The following FHIT variants were observed in gnomAD, a reference collection of about 807,000 sequenced individuals.
FHIT encodes bis(5'-adenosyl)-triphosphatase.
A neutral mutation model predicts 17.9 loss-of-function variants in FHIT; 19 were observed. The ratio of observed to expected loss-of-function variants is 1.06; its 90% confidence interval spans 0.74 to 1.56. The LOEUF (loss-of-function observed/expected upper bound fraction) is 1.56. Among genes scored for constraint, FHIT ranks in the 40% most tolerant of loss-of-function variants. The pLI, the probability that FHIT is intolerant of heterozygous loss-of-function variation, is 0.00. For missense variants in FHIT, 248 were observed against 189.2 expected (o/e 1.31, Z -1.82); for synonymous variants, 81 against 69.7 (o/e 1.16, Z -0.81).
At chr3:60,550,856 C>T (rs1007820461) in intron 4 of FHIT, among the ~76,000 whole-genome samples, 1 of 151,976 alleles carries the variant, frequency 6.6e-6, no homozygotes, top group African/African-American at 2.4e-5. Context: ...GCACAGGGTG[C>T]ATATTGCAAG....
chr3:60,316,566 C>T (rs1367550111), intron 5 of FHIT, among the ~76,000 whole-genome samples: 1 of 152,164 alleles, frequency 6.6e-6, no homozygotes, highest in Non-Finnish European at 1.5e-5. Flanking sequence ...ATGGAAATAT[C>T]TGCCAGTTTC....
chr3:60,931,241 C>T lies in FHIT; in HGVS notation c.-110-109230G>A, dbSNP rs190473397. Among the ~76,000 whole-genome samples the T allele has an allele frequency of 4.2e-3, 631 of 151,904 alleles. 4 individuals are homozygous for T. The highest frequency in any genetic ancestry group is 0.014 in the African/African-American group (571 of 41,408). ...GGGTGGGGGGAGTGGGGAGGGATAG[C>T]GTTAGGAGATATACCTAATGCTAAA... On this transcript the variant is annotated intron_variant, in intron 3 of 9. Transcript: ENST00000492590.
chr3:60,889,549 A>T (rs782153039), intron 3 of FHIT, among the ~76,000 whole-genome samples: 1 of 152,228 alleles, frequency 6.6e-6, no homozygotes, highest in Non-Finnish European at 1.5e-5. Flanking sequence ...CTGATGAACA[A>T]ACATTCTTCT....
chr3:59,906,821 C>G (rs1704605207), intron 8 of FHIT, among the ~76,000 whole-genome samples: 1 of 152,164 alleles, frequency 6.6e-6, no homozygotes, highest in African/African-American at 2.4e-5. Context: ...GTGGAAATGT[C>G]TAAGTTTTGA....
At chr3:60,387,023 C>CTTTTTTTTTTTTTTTTTTT (rs71627536) in intron 5 of FHIT, among the ~76,000 whole-genome samples, 4 of 136,410 alleles carry the variant, frequency 2.9e-5, no homozygotes, top group African/African-American at 5.4e-5. Context: ...TCTATTTATT[C>CTTTTTTTTTTTTTTTTTTT]TTTTTTTTTT....
chr3:60,252,065 A>G, intron 5 of FHIT, among the ~76,000 whole-genome samples: 1 of 152,218 alleles, frequency 6.6e-6, no homozygotes, highest in East Asian at 1.9e-4. Flanking sequence ...ATTTCCATAT[A>G]TGCCTAACTT....
intron 1 of FHIT, among the ~76,000 whole-genome samples, chr3:61,213,596 A>G (rs1473579766): frequency 6.6e-6 from 1 of 152,114 alleles, no homozygotes; most frequent in African/African-American, 2.4e-5. Context: ...AGACAGATCA[A>G]CAAGACAGAA....
intron 8 of FHIT, among the ~76,000 whole-genome samples, chr3:59,811,646 C>T (rs916053718): frequency 1.3e-5 from 2 of 151,976 alleles, no homozygotes; most frequent in Non-Finnish European, 2.9e-5. Flanking sequence ...CCTTATAAGT[C>T]CAGGACAATG....
At chr3:61,063,794 A>AT (rs35093806) in intron 2 of FHIT, among the ~76,000 whole-genome samples, 83,405 of 151,888 alleles carry the variant, frequency 0.55, 24,043 homozygotes, top group Non-Finnish European at 0.65. Context: ...AAATCTATGA[A>AT]TTTTTTTAAC....
chr3:60,482,365 G>T (rs371406367), intron 5 of FHIT, among the ~76,000 whole-genome samples: 1 of 152,060 alleles, frequency 6.6e-6, no homozygotes, highest in African/African-American at 2.4e-5. Context: ...CTACCCCAAC[G>T]CAACAGAATA....
intron 5 of FHIT, among the ~76,000 whole-genome samples, chr3:60,227,769 T>C (rs968398268): frequency 2.6e-5 from 4 of 152,186 alleles, no homozygotes; most frequent in Non-Finnish European, 1.5e-5. Flanking sequence ...ATCTCATCTG[T>C]AGAATGAAAG....
chr3:60,015,013 C>T (rs1192379566), intron 5 of FHIT, among the ~76,000 whole-genome samples: 3 of 152,202 alleles, frequency 2.0e-5, no homozygotes, highest in Non-Finnish European at 4.4e-5. Flanking sequence ...TGTATGCACA[C>T]ATGTGTATAT....
intron 7 of FHIT, among the ~76,000 whole-genome samples, chr3:59,997,651 G>C (rs1378157450): frequency 1.3e-5 from 2 of 152,156 alleles, no homozygotes; most frequent in African/African-American, 4.8e-5. Flanking sequence ...TGTTTAAAGA[G>C]AAGAATGTGA....
chr3:60,328,738 C>A (rs755445682), intron 5 of FHIT, among the ~76,000 whole-genome samples: 16 of 152,120 alleles, frequency 1.1e-4, no homozygotes, highest in Non-Finnish European at 1.6e-4. Flanking sequence ...AGATTGTGCC[C>A]CACCTGTATA....
At chr3:60,745,504 T>G (rs1284970715) in intron 4 of FHIT, among the ~76,000 whole-genome samples, 1 of 151,984 alleles carries the variant, frequency 6.6e-6, no homozygotes. Context: ...TTAAGCAGGG[T>G]ATAATGGTGG....
chr3:60,832,393 G>C (rs2106822098), intron 3 of FHIT, among the ~76,000 whole-genome samples: 1 of 152,178 alleles, frequency 6.6e-6, no homozygotes, highest in South Asian at 2.1e-4. Flanking sequence ...AAACATATTG[G>C]AGGCACTCCT....
At chr3:60,789,161 T>C (rs538552845) in intron 4 of FHIT, among the ~76,000 whole-genome samples, 28 of 110,868 alleles carry the variant, frequency 2.5e-4, no homozygotes, top group Middle Eastern at 4.9e-3. Flanking sequence ...TGTGTGTATA[T>C]ATATATATAT....
chr3:60,666,764 A>G (rs2040389884), intron 4 of FHIT, among the ~76,000 whole-genome samples: 1 of 152,052 alleles, frequency 6.6e-6, no homozygotes, highest in African/African-American at 2.4e-5. Context: ...CCTTGACCTC[A>G]TAGGTGCAAG....
chr3:60,008,618 T>A (rs531227930), intron 7 of FHIT, among the ~76,000 whole-genome samples: 1 of 152,300 alleles, frequency 6.6e-6, no homozygotes, highest in Non-Finnish European at 1.5e-5. Context: ...AAAAATGGTT[T>A]AGAACCCAGG....
Sources: gnomAD v4.1 joint callset for allele counts (sites outside exome capture counted in the v4.1 genomes callset) on GRCh38, gnomAD v4.1.1 for gene constraint, MANE v1.5 for transcripts, NCBI Gene and HGNC (gene_info 2026-07-23, HGNC 2026-07-21) for gene names.